MRPL48: variants seen among roughly 807,000 people sequenced by gnomAD.
MRPL48 encodes mitochondrial ribosomal protein L48, also known as large ribosomal subunit protein mL48.
In MRPL48, 16 loss-of-function variants were observed where a neutral mutation model predicts 32.9. The ratio of observed to expected loss-of-function variants is 0.49; its 90% CI spans 0.33 to 0.74. The LOEUF (loss-of-function observed/expected upper bound fraction) is 0.74. Among genes scored for constraint, MRPL48 ranks in the 30% least tolerant of loss-of-function variants. The pLI is 0.02. For missense variants in MRPL48, 206 were observed against 245.3 expected (o/e 0.84, Z 1.07); for synonymous variants, 94 against 89.2 (o/e 1.05, Z -0.31).
chr11:73,817,076 C>G (rs1470114706), intron 3 of MRPL48, among the ~76,000 whole-genome samples: 1 of 151,992 alleles, frequency 6.6e-6, no homozygotes, highest in Non-Finnish European at 1.5e-5. Flanking sequence ...AGGTGGTTCA[C>G]CCGCTTGGGC....
chr11:73,788,020 G>C (rs1947072585), intron 1 of MRPL48, 28 bp downstream of exon 1: 1 of 1,612,256 alleles, frequency 6.2e-7, no homozygotes, highest in Non-Finnish European at 8.5e-7. Context: ...CACGCGGGGC[G>C]CGGGGAGATG....
At chr11:73,790,477 C>T (rs1356707209) in intron 1 of MRPL48, among the ~76,000 whole-genome samples, 6 of 149,266 alleles carry the variant, frequency 4.0e-5, no homozygotes, top group African/African-American at 1.2e-4. Flanking sequence ...CTCCGCCTCC[C>T]GGGTTCACGC....
chr11:73,860,909 CTTTCTA>C (rs1330258426), intron 6 of MRPL48, among the ~76,000 whole-genome samples: 46 of 152,162 alleles, frequency 3.0e-4, no homozygotes, highest in Non-Finnish European at 1.5e-5. Context: ...CACTAATCTA[CTTTCTA>C]TCTCTATGGA....
intron 1 of MRPL48, among the ~76,000 whole-genome samples, chr11:73,795,413 A>G (rs1947237084): frequency 6.6e-6 from 1 of 151,706 alleles, no homozygotes; most frequent in Non-Finnish European, 1.5e-5. Flanking sequence ...TTTTTTTTTA[A>G]AGTATAACAG....
chr11:73,804,515 C>A lies in MRPL48; in HGVS notation c.22-512C>A, dbSNP rs1483833919. Among the ~76,000 whole-genome samples the A allele has an allele frequency of 2.0e-5, 3 of 152,050 alleles. No homozygotes were observed. The East Asian group carries it at 5.8e-4, about 29-fold the overall frequency. On this transcript the variant is annotated intron_variant, in intron 1 of 7. Coordinates refer to ENST00000310614, the MANE Select transcript of MRPL48 (RefSeq NM_016055.6). ...TTGAACTCCTGACCTCGTGATCTGC[C>A]CGCCTCAGCCTCCCAAAGTGCTGGG...
intron 2 of MRPL48, among the ~76,000 whole-genome samples, chr11:73,805,358 G>A (rs182172428): frequency 3.5e-4 from 51 of 146,578 alleles, no homozygotes; most frequent in African/African-American, 1.1e-3. Context: ...GTGCAGTGGC[G>A]TGATCTTGGC....
At chr11:73,846,513 A>C (rs1463990765) in intron 5 of MRPL48, among the ~76,000 whole-genome samples, 1 of 151,132 alleles carries the variant, frequency 6.6e-6, no homozygotes, top group African/African-American at 2.4e-5. Context: ...GCACTACTGC[A>C]CCTGGCTAAT....
intron 4 of MRPL48, among the ~76,000 whole-genome samples, chr11:73,839,222 T>G (rs1412769809): frequency 6.6e-6 from 1 of 152,216 alleles, no homozygotes; most frequent in Non-Finnish European, 1.5e-5. Context: ...CTTCCTGCTC[T>G]TGACAGGTTG....
At chr11:73,795,223 C>T (rs989852650) in intron 1 of MRPL48, among the ~76,000 whole-genome samples, 6 of 151,648 alleles carry the variant, frequency 4.0e-5, no homozygotes, top group Admixed American at 1.3e-4. Context: ...GCCTCATGCC[C>T]GGCTAATTTT....
At chr11:73,806,390 A>G (rs1175991893) in intron 2 of MRPL48, among the ~76,000 whole-genome samples, 2 of 152,062 alleles carry the variant, frequency 1.3e-5, no homozygotes, top group Non-Finnish European at 2.9e-5. Context: ...AGATATCCAT[A>G]TGGTTTGTCC....
At chr11:73,817,171 G>A (rs56159953) in intron 3 of MRPL48, among the ~76,000 whole-genome samples, 5,826 of 152,152 alleles carry the variant, frequency 0.038, 153 homozygotes, top group Middle Eastern at 0.071. Flanking sequence ...AATAGGGCAC[G>A]TTAAATGGCT....
chr11:73,844,260 T>C (rs1948244921), intron 4 of MRPL48, among the ~76,000 whole-genome samples: 1 of 151,354 alleles, frequency 6.6e-6, no homozygotes, highest in African/African-American at 2.4e-5. Context: ...TGAAACCCCA[T>C]CTCTACGAAA....
Position 73,805,099 on chromosome 11 carries a change from TA to T in MRPL48, c.74+22del. 1 of 1,536,888 alleles carries T rather than the reference TA, an allele frequency of 6.5e-7. No homozygotes were observed. The highest frequency in any genetic ancestry group is 8.8e-7 in the Non-Finnish European group (1 of 1,133,908). ...CTTAAGGTAAGAATATTAAAAACAA[TA>T]ATTAAATATAGGTAACATTTGCCTT... On this transcript the variant is annotated intron_variant, in intron 2 of 7. Transcript: ENST00000310614.
At chr11:73,829,352 CT>C (rs974624031) in intron 4 of MRPL48, among the ~76,000 whole-genome samples, 6 of 151,898 alleles carry the variant, frequency 4.0e-5, no homozygotes, top group Non-Finnish European at 2.9e-5. Flanking sequence ...AGTTACTTTT[CT>C]TTCTTTCTTT....
At chr11:73,798,893 AG>A (rs1947307299) in intron 1 of MRPL48, among the ~76,000 whole-genome samples, 3 of 151,470 alleles carry the variant, frequency 2.0e-5, no homozygotes, top group African/African-American at 7.3e-5. Flanking sequence ...CAGGAAGCTG[AG>A]GCCGGAGAAT....
intron 1 of MRPL48, among the ~76,000 whole-genome samples, chr11:73,791,794 T>A (rs937885273): frequency 4.6e-5 from 7 of 152,190 alleles, no homozygotes; most frequent in African/African-American, 1.7e-4. Context: ...AAATGTCGAA[T>A]GAATAAGTGA....
At chr11:73,795,937 C>T (rs532662715) in intron 1 of MRPL48, among the ~76,000 whole-genome samples, 3 of 152,176 alleles carry the variant, frequency 2.0e-5, no homozygotes, top group African/African-American at 7.2e-5. Flanking sequence ...GTAGTCACTC[C>T]CCATACTGTC....
intron 1 of MRPL48, among the ~76,000 whole-genome samples, chr11:73,794,573 T>A (rs973586057): frequency 3.4e-5 from 5 of 145,760 alleles, no homozygotes; most frequent in African/African-American, 7.7e-5. Context: ...AAAAAAAAAA[T>A]TTAAATCAGG....
chr11:73,854,869 C>T (rs927188287), intron 5 of MRPL48, among the ~76,000 whole-genome samples: 3 of 152,152 alleles, frequency 2.0e-5, no homozygotes, highest in African/African-American at 4.8e-5. Context: ...AGTAGATCAA[C>T]GTATCAAAGC....
Sources: allele counts gnomAD v4.1 joint callset (sites outside exome capture counted in the v4.1 genomes callset), GRCh38; gene constraint gnomAD v4.1.1; transcripts MANE v1.5; gene names NCBI Gene and HGNC (gene_info 2026-07-23, HGNC 2026-07-21).